RBFOX1: variants seen among roughly 807,000 people sequenced by gnomAD.
RBFOX1 encodes RNA binding fox-1 homolog 1, also known as RNA binding protein fox-1 homolog 1.
RBFOX1 carries 8 observed loss-of-function variants against 57.7 expected under a neutral mutation model. That is an observed-to-expected ratio of 0.14 (90% CI 0.08 to 0.25). The LOEUF (loss-of-function observed/expected upper bound fraction) is 0.25. Ranked by LOEUF, RBFOX1 falls within the 10% of genes least tolerant of loss-of-function variation. The pLI is 1.00. For missense variants in RBFOX1, 611 were observed against 548.5 expected, an observed-to-expected ratio of 1.11 and a Z score of -1.14; for synonymous variants, 326 against 222.4, an observed-to-expected ratio of 1.47 and a Z score of -4.15.
chr16:6,507,976 A>C (rs12149034), intron 2 of RBFOX1, among the ~76,000 whole-genome samples: 1 of 152,058 alleles, frequency 6.6e-6, no homozygotes, highest in African/African-American at 2.4e-5. Context: ...ATGCCCATCA[A>C]TGATAGACTG....
At chr16:7,106,023 C>G (rs956063332) in intron 4 of RBFOX1, among the ~76,000 whole-genome samples, 5 of 152,180 alleles carry the variant, frequency 3.3e-5, no homozygotes, top group Non-Finnish European at 7.3e-5. Context: ...CAGCACAACT[C>G]TCTGGTGTTC....
rs115382422 is a variant in RBFOX1, at chr16:6,900,947, A to G, written c.-15-151110A>G. Among the ~76,000 whole-genome samples, 1,197 of 152,304 alleles carry G rather than the reference A, an allele frequency of 7.9e-3. 21 individuals are homozygous for G. The highest frequency in any genetic ancestry group is 0.027 in the African/African-American group (1,139 of 41,564). On this transcript the variant is annotated intron_variant, in intron 3 of 15. Coordinates refer to ENST00000550418, the MANE Select transcript of RBFOX1 (RefSeq NM_018723.4). ...TAAATGCTAATGAAAACATTTGTAGAAGGTGTGAATGCCATTTAAGATGTT... is the reference window on the plus strand; with the variant it reads ...TAAATGCTAATGAAAACATTTGTAGGAGGTGTGAATGCCATTTAAGATGTT...
At chr16:6,695,814 TTTTG>T (rs1391897327) in intron 3 of RBFOX1, among the ~76,000 whole-genome samples, 2 of 152,210 alleles carry the variant, frequency 1.3e-5, no homozygotes, top group African/African-American at 4.8e-5. Context: ...TCATGTCCTG[TTTTG>T]TTTGTTGGTT....
intron 4 of RBFOX1, among the ~76,000 whole-genome samples, chr16:7,375,510 T>G (rs1045896498): frequency 2.0e-5 from 3 of 151,936 alleles, no homozygotes; most frequent in Non-Finnish European, 2.9e-5. Flanking sequence ...TTTTTTGTTT[T>G]TTTTTTTTTT....
At chr16:5,482,427 G>A (rs2069577605) in intron 2 of RBFOX1, among the ~76,000 whole-genome samples, 1 of 152,192 alleles carries the variant, frequency 6.6e-6, no homozygotes, top group South Asian at 2.1e-4. Flanking sequence ...GCTGGCAAAT[G>A]GCGAGGTGCA....
At chr16:7,627,334 C>G (rs532569145) in intron 10 of RBFOX1, among the ~76,000 whole-genome samples, 9 of 152,090 alleles carry the variant, frequency 5.9e-5, no homozygotes, top group African/African-American at 2.2e-4. Flanking sequence ...GGATTCCAGG[C>G]CAATAGGAAA....
chr16:6,886,652 G>C (rs1019194752), intron 3 of RBFOX1, among the ~76,000 whole-genome samples: 2 of 151,910 alleles, frequency 1.3e-5, no homozygotes, highest in Admixed American at 1.3e-4. Context: ...CTGCTCAGGA[G>C]GCTGAGGCAC....
In RBFOX1 at chr16:7,074,972, G is replaced by C. The variant is rs565527159; in HGVS notation, c.27+22874G>C. Reference sequence around the variant, plus strand: ...GGGAAGAGGTAGGGGAGCTCATTGAGAGTAGAATCAAAGGGAAGTCAAAGG... The same window carrying C: ...GGGAAGAGGTAGGGGAGCTCATTGACAGTAGAATCAAAGGGAAGTCAAAGG... On this transcript the variant is annotated intron_variant, in intron 4 of 15. Transcript: ENST00000550418. Among the ~76,000 whole-genome samples the C allele has an allele frequency of 2.6e-5, 4 of 152,212 alleles. No individual in the cohort carries two copies. In the South Asian group the frequency reaches 6.2e-4, roughly 24 times the overall value.
intron 3 of RBFOX1, among the ~76,000 whole-genome samples, chr16:6,777,382 G>C (rs2154219795): frequency 6.6e-6 from 1 of 152,222 alleles, no homozygotes; most frequent in Middle Eastern, 3.4e-3. Context: ...CTGAGAAAGA[G>C]AACCGAGGCA....
chr16:6,745,817 C>G (rs2073464185), intron 3 of RBFOX1, among the ~76,000 whole-genome samples: 1 of 152,122 alleles, frequency 6.6e-6, no homozygotes, highest in African/African-American at 2.4e-5. Flanking sequence ...TAAAAGGCAT[C>G]TGTTTAGAGA....
intron 1 of RBFOX1, among the ~76,000 whole-genome samples, chr16:5,313,366 G>T (rs2064143412): frequency 6.6e-6 from 1 of 152,130 alleles, no homozygotes. Flanking sequence ...GTGACTCCTA[G>T]CATTAGTGCC....
At chr16:7,505,952 G>A (rs1600284878) in intron 4 of RBFOX1, among the ~76,000 whole-genome samples, 1 of 152,210 alleles carries the variant, frequency 6.6e-6, no homozygotes, top group Non-Finnish European at 1.5e-5. Context: ...TTGGGAGGCT[G>A]AGGTGAGTGG....
chr16:7,394,802 C>G (rs976774359), intron 4 of RBFOX1, among the ~76,000 whole-genome samples: 4 of 152,162 alleles, frequency 2.6e-5, no homozygotes, highest in African/African-American at 9.7e-5. Context: ...GATCAGATCG[C>G]TGCTGCAGAC....
At chr16:6,937,516 G>C (rs1008560925) in intron 3 of RBFOX1, among the ~76,000 whole-genome samples, 9 of 152,106 alleles carry the variant, frequency 5.9e-5, no homozygotes, top group Non-Finnish European at 1.2e-4. Context: ...ACAGACATCA[G>C]GAGATCCTGA....
Position 5,908,129 on chromosome 16 carries a change from TATATACACATATA to T in RBFOX1, c.351+40795_351+40807del, listed in dbSNP as rs2058512148. ...ATATATACACATATATACACATATATATATACACATATATACACATATATACACATATATATAC... is the reference window on the plus strand; with the variant it reads ...ATATATACACATATATACACATATATTACACATATATACACATATATATAC... On this transcript the variant is annotated intron_variant, in intron 4 of 19. Transcript: ENST00000641259. Among the ~76,000 whole-genome samples the T allele has an allele frequency of 2.2e-5, 3 of 133,648 alleles. 1 individual carries two copies. Among genetic ancestry groups the T allele is most frequent in the African/African-American group, 1.1e-4 (3 of 27,974 alleles). The allele number at this position is 133,648 out of a possible 152,430, so 87.7% of individuals were successfully genotyped here.
rs183245757 is a variant in RBFOX1 at position 7,113,731 on chromosome 16, A to G, written c.27+61633A>G. Reference sequence around the variant, plus strand: ...ATTTTGTTCTTTGCAAGGCTGCATAATGTCCTATGTTATAGATGTGTTCTC... The same window carrying G: ...ATTTTGTTCTTTGCAAGGCTGCATAGTGTCCTATGTTATAGATGTGTTCTC... On this transcript the variant is annotated intron_variant, in intron 4 of 15. Coordinates refer to ENST00000550418, the MANE Select transcript of RBFOX1 (RefSeq NM_018723.4). Among the ~76,000 whole-genome samples, 20 of 152,252 alleles carry G rather than the reference A, an allele frequency of 1.3e-4. No homozygotes were observed. The East Asian group carries it at 3.5e-3, about 27-fold the overall frequency.
intron 1 of RBFOX1, among the ~76,000 whole-genome samples, chr16:6,167,676 C>T (rs1473762384): frequency 2.0e-5 from 3 of 152,186 alleles, no homozygotes; most frequent in South Asian, 2.1e-4. Flanking sequence ...ATGCAATGTC[C>T]AACCAACCTT....
chr16:5,583,484 A>G (rs555198532), intron 2 of RBFOX1, among the ~76,000 whole-genome samples: 1 of 152,274 alleles, frequency 6.6e-6, no homozygotes, highest in South Asian at 2.1e-4. Flanking sequence ...CCTGTACGTC[A>G]CTTTACTTTT....
intron 4 of RBFOX1, among the ~76,000 whole-genome samples, chr16:7,404,126 C>G (rs78897277): frequency 0.057 from 8,583 of 151,304 alleles, 332 homozygotes; most frequent in East Asian, 0.19. Context: ...ATTCTCGGCT[C>G]ACTGCTACCT....
Sources: gnomAD v4.1 joint callset for allele counts (sites outside exome capture counted in the v4.1 genomes callset) on GRCh38, gnomAD v4.1.1 for gene constraint, MANE v1.5 for transcripts, NCBI Gene and HGNC (gene_info 2026-07-23, HGNC 2026-07-21) for gene names.